ANKS1B: variants seen among roughly 807,000 people sequenced by gnomAD.
ANKS1B encodes the protein ankyrin repeat and sterile alpha motif domain-containing protein 1B.
In ANKS1B, 36 loss-of-function variants were observed where a neutral mutation model predicts 148.3. That is an observed-to-expected ratio of 0.24 (90% CI 0.19 to 0.32). The LOEUF (loss-of-function observed/expected upper bound fraction) is 0.32, where lower values mean the gene tolerates loss of function less well. Ranked by LOEUF, ANKS1B falls within the 10% of genes least tolerant of loss-of-function variation. The probability of loss-of-function intolerance (pLI) is 1.00; values close to 1 mark genes in which losing one functional copy is unlikely to be tolerated. For synonymous variants in ANKS1B, 542 were observed against 560.8 expected (o/e 0.97, Z 0.47); for missense variants, 1,157 against 1,542.6 (o/e 0.75, Z 4.19).
exon 10 of ANKS1B, chr12:98,735,143 G>A (rs942722787): frequency 1.3e-5 from 5 of 398,666 alleles, no homozygotes; most frequent in African/African-American, 4.1e-5. Flanking sequence ...TAGTATGATG[G>A]AGCTGCAAAT....
chr12:99,296,416 A>T (rs762971304), intron 12 of ANKS1B, among the ~76,000 whole-genome samples: 2 of 152,160 alleles, frequency 1.3e-5, no homozygotes, highest in Non-Finnish European at 1.5e-5. Context: ...AAAGCTTATC[A>T]TCACTTTAAG....
intron 12 of ANKS1B, among the ~76,000 whole-genome samples, chr12:99,250,578 G>C (rs1306112643): frequency 6.6e-6 from 1 of 152,156 alleles, no homozygotes; most frequent in Non-Finnish European, 1.5e-5. Context: ...CAATACCACC[G>C]ATGCATCAGC....
At chr12:98,855,107 T>C (rs913351797) in intron 17 of ANKS1B, among the ~76,000 whole-genome samples, 20 of 143,928 alleles carry the variant, frequency 1.4e-4, no homozygotes, top group African/African-American at 4.2e-4. Context: ...TGCAGTGAGC[T>C]GAGATTGCGC....
chr12:99,599,753 G>A (rs1160243485), intron 9 of ANKS1B, among the ~76,000 whole-genome samples: 1 of 152,020 alleles, frequency 6.6e-6, no homozygotes, highest in African/African-American at 2.4e-5. Context: ...CTAAAGGCAA[G>A]GATGAACCTG....
chr12:99,274,970 G>T (rs548103589), intron 12 of ANKS1B, among the ~76,000 whole-genome samples: 7 of 152,270 alleles, frequency 4.6e-5, no homozygotes, highest in African/African-American at 1.4e-4. Flanking sequence ...TTCTAAGAGT[G>T]AGATTTCCAA....
At chr12:99,571,997 A>C (rs1196241713) in intron 9 of ANKS1B, among the ~76,000 whole-genome samples, 1 of 152,118 alleles carries the variant, frequency 6.6e-6, no homozygotes, top group Non-Finnish European at 1.5e-5. Context: ...TCCTATAGGA[A>C]ACATGACAGG....
chr12:99,665,257 C>T (rs2098500108), intron 8 of ANKS1B, among the ~76,000 whole-genome samples: 2 of 152,140 alleles, frequency 1.3e-5, no homozygotes, highest in African/African-American at 4.8e-5. Flanking sequence ...TCGGTAGCTC[C>T]ACATTCTTGG....
intron 14 of ANKS1B, among the ~76,000 whole-genome samples, chr12:99,237,520 T>C (rs2088240875): frequency 6.6e-6 from 1 of 152,040 alleles, no homozygotes; most frequent in Non-Finnish European, 1.5e-5. Context: ...TTAGTAAGAG[T>C]AATATATAAA....
At chr12:99,433,580 G>C (rs1458110198) in intron 11 of ANKS1B, among the ~76,000 whole-genome samples, 3 of 152,116 alleles carry the variant, frequency 2.0e-5, no homozygotes, top group African/African-American at 7.2e-5. Flanking sequence ...ATCAAGGATG[G>C]GGTCAAGTTT....
At chr12:99,773,818 G>GT (rs770658680) in intron 7 of ANKS1B, among the ~76,000 whole-genome samples, 9 of 151,974 alleles carry the variant, frequency 5.9e-5, no homozygotes, top group Non-Finnish European at 1.3e-4. Flanking sequence ...TGTTTTATTG[G>GT]TATATATGTC....
intron 1 of ANKS1B, among the ~76,000 whole-genome samples, chr12:99,973,838 CACG>C (rs1396478263): frequency 1.3e-5 from 2 of 152,162 alleles, no homozygotes; most frequent in Non-Finnish European, 2.9e-5. Flanking sequence ...AAAGTGGTTT[CACG>C]AGTGGAATCG....
At chr12:98,743,326 T>A (rs539230406), downstream of ANKS1B, among the ~76,000 whole-genome samples, 13 of 152,194 alleles carry the variant, frequency 8.5e-5, no homozygotes, top group Admixed American at 1.3e-4. Context: ...TAGGGATAAT[T>A]TTCATAGGGT....
intron 17 of ANKS1B, among the ~76,000 whole-genome samples, chr12:98,962,626 C>A (rs1159273566): frequency 6.6e-6 from 1 of 152,026 alleles, no homozygotes; most frequent in Admixed American, 6.6e-5. Flanking sequence ...ACATTTCATC[C>A]AACAGCCTCA....
intron 12 of ANKS1B, among the ~76,000 whole-genome samples, chr12:99,367,051 C>T (rs534775664): frequency 6.6e-6 from 1 of 152,196 alleles, no homozygotes; most frequent in South Asian, 2.1e-4. Flanking sequence ...GTACTTTTGG[C>T]CTCTACCTAC....
At chr12:99,913,202 T>C (rs376672181) in intron 1 of ANKS1B, among the ~76,000 whole-genome samples, 6 of 152,364 alleles carry the variant, frequency 3.9e-5, no homozygotes, top group African/African-American at 1.4e-4. Flanking sequence ...CACCATGAAA[T>C]TACTAATTGA....
chr12:99,655,629 C>T (rs2098446387), intron 8 of ANKS1B, among the ~76,000 whole-genome samples: 1 of 152,036 alleles, frequency 6.6e-6, no homozygotes, highest in Non-Finnish European at 1.5e-5. Flanking sequence ...GTTCAGAATG[C>T]CACTGAAATA....
intron 12 of ANKS1B, among the ~76,000 whole-genome samples, chr12:99,344,696 C>A (rs1177182709): frequency 2.6e-5 from 4 of 151,948 alleles, no homozygotes; most frequent in African/African-American, 9.7e-5. Context: ...ATTTTCTATG[C>A]ATAACAGAAT....
intron 9 of ANKS1B, chr12:99,649,247 T>C: frequency 1.4e-6 from 2 of 1,443,546 alleles, no homozygotes; most frequent in Non-Finnish European, 9.8e-7. Context: ...AAAGGAGATC[T>C]TGCTGGTCTC....
chr12:99,031,571 A>T (rs1485091029), intron 17 of ANKS1B, among the ~76,000 whole-genome samples: 1 of 152,214 alleles, frequency 6.6e-6, no homozygotes. Context: ...AGAACTTTTG[A>T]TATCCTGATA....
Sources: allele counts gnomAD v4.1 joint callset (sites outside exome capture counted in the v4.1 genomes callset), GRCh38; gene constraint gnomAD v4.1.1; transcripts MANE v1.5; gene names NCBI Gene and HGNC (gene_info 2026-07-23, HGNC 2026-07-21).